TEAD4: variants seen among roughly 807,000 people sequenced by gnomAD.
TEAD4 encodes TEA domain transcription factor 4.
TEAD4 carries 36 observed loss-of-function variants against 52.4 expected under a neutral mutation model. The observed-to-expected ratio is 0.69, with a 90% CI of 0.53 to 0.91. The LOEUF is 0.91. Ranked by LOEUF, TEAD4 falls within the 40% of genes least tolerant of loss-of-function variation. The pLI is 0.00. For synonymous variants in TEAD4, 220 were observed against 231.0 expected, an observed-to-expected ratio of 0.95 and a Z score of 0.43; for missense variants, 508 against 583.9, an observed-to-expected ratio of 0.87 and a Z score of 1.34.
chr12:2,987,040 G>A (rs1454409207), intron 2 of TEAD4, among the ~76,000 whole-genome samples: 4 of 152,196 alleles, frequency 2.6e-5, no homozygotes, highest in Non-Finnish European at 4.4e-5. Context: ...AGAGAGAGCC[G>A]AGGAGGTGGA....
intron 8 of TEAD4, 58 bp downstream of exon 8, chr12:3,019,228 G>C: frequency 6.2e-7 from 1 of 1,601,090 alleles, no homozygotes; most frequent in East Asian, 2.2e-5. Context: ...CTGCCTCTGG[G>C]TCCAGGCCCC....
chr12:3,030,044 A>T (rs946773431), intron 10 of TEAD4, among the ~76,000 whole-genome samples: 9 of 152,048 alleles, frequency 5.9e-5, no homozygotes, highest in Non-Finnish European at 1.3e-4. Context: ...ACCATTTCTG[A>T]TGCTGGCTTT....
At chr12:3,035,146 A>G (rs576058808) in intron 10 of TEAD4, among the ~76,000 whole-genome samples, 1 of 152,370 alleles carries the variant, frequency 6.6e-6, no homozygotes, top group African/African-American at 2.4e-5. Flanking sequence ...TTTCATATAT[A>G]TTAGAAAGAA....
At chr12:2,978,559 G>A (rs936516799) in intron 2 of TEAD4, among the ~76,000 whole-genome samples, 9 of 151,800 alleles carry the variant, frequency 5.9e-5, no homozygotes, top group African/African-American at 1.9e-4. Context: ...CTGCGCCACC[G>A]CCCCTGGCTA....
intron 10 of TEAD4, among the ~76,000 whole-genome samples, chr12:3,024,749 C>T (rs1053360731): frequency 6.6e-6 from 1 of 152,088 alleles, no homozygotes; most frequent in Non-Finnish European, 1.5e-5. Flanking sequence ...TTTTTTCCTG[C>T]AAATAAATGG....
intron 10 of TEAD4, among the ~76,000 whole-genome samples, chr12:3,025,899 C>G (rs2098271792): frequency 6.6e-6 from 1 of 151,758 alleles, no homozygotes; most frequent in African/African-American, 2.4e-5. Flanking sequence ...CATAAATAGT[C>G]TGATAGCATT....
chr12:2,973,751 G>A (rs547825210), intron 2 of TEAD4, among the ~76,000 whole-genome samples: 2 of 152,330 alleles, frequency 1.3e-5, no homozygotes, highest in South Asian at 4.2e-4. Context: ...GGTCAGGCCG[G>A]GCTGGCCCCA....
intron 3 of TEAD4, among the ~76,000 whole-genome samples, chr12:3,003,886 G>C (rs1013976106): frequency 6.6e-6 from 1 of 152,228 alleles, no homozygotes; most frequent in Non-Finnish European, 1.5e-5. Flanking sequence ...GGGCAGAGCT[G>C]GGACAAGGAC....
chr12:3,025,867 T>C (rs1039350851), intron 10 of TEAD4, among the ~76,000 whole-genome samples: 5 of 152,198 alleles, frequency 3.3e-5, no homozygotes, highest in Admixed American at 6.5e-5. Context: ...CATTCTTTAG[T>C]GCATTTGTCA....
chr12:2,984,991 C>A (rs2098236919), intron 2 of TEAD4, among the ~76,000 whole-genome samples: 1 of 152,144 alleles, frequency 6.6e-6, no homozygotes, highest in Non-Finnish European at 1.5e-5. Context: ...GATACTTAGG[C>A]TACGCTAAAT....
intron 10 of TEAD4, among the ~76,000 whole-genome samples, chr12:3,036,803 A>G (rs2098279685): frequency 6.6e-6 from 1 of 152,070 alleles, no homozygotes; most frequent in Admixed American, 6.5e-5. Context: ...GGGCTTCAGG[A>G]ATACAATTCC....
At chr12:2,976,772 G>A (rs1282628820) in intron 2 of TEAD4, among the ~76,000 whole-genome samples, 1 of 149,732 alleles carries the variant, frequency 6.7e-6, no homozygotes, top group East Asian at 1.9e-4. Flanking sequence ...GCAAGTACTC[G>A]CCACCCCATT....
At chr12:2,961,394 A>C (rs1183867245) in intron 2 of TEAD4, among the ~76,000 whole-genome samples, 3 of 151,688 alleles carry the variant, frequency 2.0e-5, no homozygotes, top group Non-Finnish European at 4.4e-5. Context: ...AAGGAGCCAG[A>C]AACTGTCTCG....
intron 2 of TEAD4, among the ~76,000 whole-genome samples, chr12:2,993,111 T>C (rs1263508670): frequency 2.0e-5 from 3 of 152,202 alleles, no homozygotes; most frequent in African/African-American, 7.2e-5. Flanking sequence ...TTTTTCATTG[T>C]GGTAAAAAAG....
chr12:2,963,863 G>T (rs973704977), intron 2 of TEAD4, among the ~76,000 whole-genome samples: 2 of 152,314 alleles, frequency 1.3e-5, no homozygotes, highest in South Asian at 4.1e-4. Context: ...TGTAGCGGGG[G>T]CTGGCTCCTT....
intron 5 of TEAD4, among the ~76,000 whole-genome samples, chr12:3,016,153 G>C (rs2098264308): frequency 1.3e-5 from 2 of 152,034 alleles, no homozygotes; most frequent in South Asian, 4.1e-4. Flanking sequence ...TCAGCTCCTT[G>C]AGTAGCTTGG....
chr12:3,040,176 A>C lies in TEAD4; in HGVS notation c.1108A>C (p.Met370Leu). ...CCACCGGTCCCCGCTCTGTGAGTACATGATCAACTTCATCCACAAGCTCAA... is the reference window on the plus strand; with the variant it reads ...CCACCGGTCCCCGCTCTGTGAGTACCTGATCAACTTCATCCACAAGCTCAA... The change falls in exon 12 of 13, where the codon ATG (methionine) becomes CTG (leucine). Residue 370 changes from methionine to leucine, a missense_variant. Coordinates refer to ENST00000359864, the MANE Select transcript of TEAD4 (RefSeq NM_003213.4). 1.2e-6 allele frequency: 2 copies of C among 1,614,212 alleles called. No individual in the cohort carries two copies. Among genetic ancestry groups the C allele is most frequent in the Non-Finnish European group, 1.7e-6 (2 of 1,180,046 alleles).
chr12:3,018,479 C>A lies in TEAD4; in HGVS notation c.484-66C>A, dbSNP rs2098266197. 5.6e-6 allele frequency: 9 copies of A among 1,600,532 alleles called. No individual in the cohort carries two copies. The Admixed American group carries it at 1.3e-4, about 24-fold the overall frequency. ...GAGGCCCTGCCCGGTCCTACCCCCA[C>A]CCCCACACCACAGGGCCCCGGGTGC... is the stretch of plus-strand genomic sequence containing the variant. On this transcript the variant is annotated intron_variant, in intron 6 of 12. Transcript: ENST00000359864.
intron 2 of TEAD4, among the ~76,000 whole-genome samples, chr12:2,986,728 C>G (rs1687574482): frequency 6.6e-6 from 1 of 151,704 alleles, no homozygotes; most frequent in Admixed American, 6.6e-5. Flanking sequence ...ACCAGTAACA[C>G]AGTTGTTTAT....
Sources: gnomAD v4.1 joint callset for allele counts (sites outside exome capture counted in the v4.1 genomes callset) on GRCh38, gnomAD v4.1.1 for gene constraint, MANE v1.5 for transcripts, NCBI Gene and HGNC (gene_info 2026-07-23, HGNC 2026-07-21) for gene names.